Variants in TAT observed in about 807,000 individuals in gnomAD.
The protein encoded by TAT is L-tyrosine:2-oxoglutarate aminotransferase.
In TAT, 35 loss-of-function variants were observed where a neutral mutation model predicts 53.6. The ratio of observed to expected loss-of-function variants is 0.65; its 90% confidence interval spans 0.50 to 0.87. TAT has a LOEUF of 0.87. Ranked by LOEUF, TAT falls within the 40% of genes least tolerant of loss-of-function variation. The probability of loss-of-function intolerance (pLI) is 0.00; values close to 1 mark genes in which losing one functional copy is unlikely to be tolerated. For synonymous variants in TAT, 197 were observed against 206.5 expected (o/e 0.95, Z 0.39); for missense variants, 525 against 571.8 (o/e 0.92, Z 0.83).
chr16:71,571,132 G>T (rs2044200364), intron 7 of TAT, among the ~76,000 whole-genome samples: 1 of 152,200 alleles, frequency 6.6e-6, no homozygotes, highest in African/African-American at 2.4e-5. Flanking sequence ...AGGAGTTACA[G>T]ATTTAAAATA....
Position 71,576,287 on chromosome 16 carries a change from C to G in TAT, c.129G>C (p.Val43=). Residue 43 remains valine (V), a synonymous_variant, in exon 2 of 12, where the codon GTG becomes GTC. Transcript: ENST00000355962. ...TTTTCTTGGCCATGTCTGAGGGCCT[C>G]ACAGACCACCTGGCCTTTCTGCCTT... ...KMKGRKARWS[V]RPSDMAKKTF... is the part of the protein sequence containing the mutation. The G allele has an allele frequency of 6.2e-7, 1 of 1,614,212 alleles. No individual in the cohort carries two copies. Among genetic ancestry groups the G allele is most frequent in the African/African-American group, 1.3e-5 (1 of 75,056 alleles).
chr16:71,571,807 T>C, intron 6 of TAT, 149 bp from the exon 7 acceptor site: 3 of 824,884 alleles, frequency 3.6e-6, no homozygotes, highest in Non-Finnish European at 6.0e-6. Context: ...AAGTGTGATT[T>C]GCATTTCATG....
intron 3 of TAT, among the ~76,000 whole-genome samples, chr16:71,574,472 T>C (rs902505692): frequency 2.2e-4 from 33 of 150,104 alleles, no homozygotes; most frequent in Non-Finnish European, 4.4e-5. Flanking sequence ...TCCGAGCTAC[T>C]CAGGAGGCTG....
Position 71,570,851 on chromosome 16 carries a change from A to G in TAT, c.760-20T>C. The G allele has an allele frequency of 3.1e-6, 5 of 1,612,766 alleles. No homozygotes were observed. The highest frequency in any genetic ancestry group is 4.2e-6 in the Non-Finnish European group (5 of 1,179,454). ...AAACACCTGAGAAGAGGCACTTGTT[A>G]TGGTTGTTTTCTTGTCTACTTCTCA... On this transcript the variant is annotated intron_variant, in intron 7 of 11. Coordinates refer to ENST00000355962, the MANE Select transcript of TAT (RefSeq NM_000353.3).
intron 7 of TAT, 117 bp from the exon 8 acceptor site, chr16:71,570,948 A>T (rs891302966): frequency 2.4e-6 from 3 of 1,269,400 alleles, no homozygotes; most frequent in Non-Finnish European, 3.3e-6. Context: ...GATTAATGGG[A>T]TCATCCCTAC....
chr16:71,567,953 T>C lies in TAT; in HGVS notation c.*191A>G. On this transcript the variant is annotated 3_prime_UTR_variant, in exon 12 of 12. Coordinates refer to ENST00000355962, the MANE Select transcript of TAT (RefSeq NM_000353.3). ...TAGCAGCGCAGAGCAAGGGAGAATCTGCGATGTGAATGAGGAGGATCTGAG... is the reference window on the plus strand; with the variant it reads ...TAGCAGCGCAGAGCAAGGGAGAATCCGCGATGTGAATGAGGAGGATCTGAG... The C allele has an allele frequency of 1.5e-6, 1 of 652,954 alleles. No homozygotes were observed. The highest frequency in any genetic ancestry group is 2.8e-5 in the East Asian group (1 of 36,082). The allele number at this position is 652,954 out of a possible 1,614,324, so 40.4% of individuals were successfully genotyped here. A position where few individuals can be genotyped will look rare whatever the true frequency, so the allele number is the denominator to read the frequency against.
At position 71,568,821 on chromosome 16, in the gene TAT, G is replaced by C; in HGVS notation, c.1126-12C>G. ...ATCTCAATTCCAACCTATACCAACA[G>C]GAGGGAGAGGCCAACTTATCAGAAG... On this transcript the variant is annotated splice_polypyrimidine_tract_variant and intron_variant, in intron 10 of 11. Coordinates refer to ENST00000355962, the MANE Select transcript of TAT (RefSeq NM_000353.3). The C allele has an allele frequency of 6.2e-7, 1 of 1,607,724 alleles. No individual in the cohort carries two copies. The highest frequency in any genetic ancestry group is 8.5e-7 in the Non-Finnish European group (1 of 1,174,872).
rs1027401569 is a variant in TAT at position 71,566,833 on chromosome 16, A to G, written c.*1311T>C. The G allele has an allele frequency of 6.6e-6, 1 of 152,024 alleles. No individual in the cohort carries two copies. The allele number at this position is 152,024 out of a possible 1,614,324, so 9.4% of individuals were successfully genotyped here. A position where few individuals can be genotyped will look rare whatever the true frequency, so the allele number is the denominator to read the frequency against. On this transcript the variant is annotated 3_prime_UTR_variant, in exon 12 of 12. Transcript: ENST00000355962. ...GAAATTCCCAAACGGAGAAAAAAAC[A>G]CATCACAGAAGAGCCATACTTGGTG...
At chr16:71,573,449 G>T (rs1045922712) in intron 4 of TAT, 90 bp downstream of exon 4, 1 of 1,234,824 alleles carries the variant, frequency 8.1e-7, no homozygotes, top group South Asian at 1.3e-5. Flanking sequence ...TTCCCCCTCT[G>T]ACACCCGTAC....
At position 71,568,158 on chromosome 16, in the gene TAT, C is replaced by T. The variant is rs2044176872; in HGVS notation, c.1351G>A (p.Glu451Lys). The change falls in exon 12 of 12, where the codon GAG becomes AAG. Residue 451 changes from glutamate to lysine, a missense_variant. By Grantham distance (56) the Glu-to-Lys change is moderately conservative (BLOSUM62 1). Transcript: ENST00000355962. ...TGGATGCAGGCCTATTTATCACACT[C>T]CTCCTGGCTGCCTTCAGCACAATGG... ...HYHCAEGSQEECDK is the reference protein window; with the variant it reads ...HYHCAEGSQEKCDK The T allele has an allele frequency of 6.2e-7, 1 of 1,614,224 alleles. No individual in the cohort carries two copies. The highest frequency in any genetic ancestry group is 1.7e-5 in the Admixed American group (1 of 60,030).
At chr16:71,568,661 C>G in intron 11 of TAT, 50 bp downstream of exon 11, 5 of 1,464,248 alleles carry the variant, frequency 3.4e-6, no homozygotes, top group Non-Finnish European at 4.8e-6. Flanking sequence ...GAACTTGCTT[C>G]TGGGGCTCTA....
At chr16:71,571,800 T>C (rs2044205207) in intron 6 of TAT, 142 bp from the exon 7 acceptor site, 1 of 854,330 alleles carries the variant, frequency 1.2e-6, no homozygotes, top group South Asian at 1.5e-5. Context: ...ACAAGCAAAG[T>C]GTGATTTGCA....
At chr16:71,574,192 C>T in intron 3 of TAT, among the ~76,000 whole-genome samples, 1 of 152,242 alleles carries the variant, frequency 6.6e-6, no homozygotes, top group East Asian at 1.9e-4. Flanking sequence ...TCCCCAAATA[C>T]TCTGCACCAT....
intron 8 of TAT, 62 bp downstream of exon 8, chr16:71,570,617 C>T: frequency 6.2e-7 from 1 of 1,610,934 alleles, no homozygotes; most frequent in Non-Finnish European, 8.5e-7. Flanking sequence ...CCCTTGTCCC[C>T]ACTGTGCTCA....
intron 1 of TAT, 69 bp from the exon 2 acceptor site, chr16:71,576,496 G>A (rs1335053067): frequency 6.0e-6 from 8 of 1,337,900 alleles, no homozygotes; most frequent in Admixed American, 3.5e-5. Context: ...GCTACATTTG[G>A]ACCTAAACAT....
intron 11 of TAT, 44 bp downstream of exon 11, chr16:71,568,667 C>T: frequency 1.3e-6 from 2 of 1,496,418 alleles, no homozygotes; most frequent in Non-Finnish European, 1.9e-6. Flanking sequence ...GCTTCTGGGG[C>T]TCTAGAAACT....
intron 6 of TAT, 68 bp from the exon 7 acceptor site, chr16:71,571,726 T>C: frequency 7.1e-7 from 1 of 1,410,740 alleles, no homozygotes; most frequent in South Asian, 1.2e-5. Context: ...TCACATAATA[T>C]CATGTAATTT....
intron 7 of TAT, 67 bp from the exon 8 acceptor site, chr16:71,570,898 C>T: frequency 6.4e-7 from 1 of 1,568,362 alleles, no homozygotes; most frequent in South Asian, 1.2e-5. Context: ...GATCCCGTGG[C>T]TCCCACCCAT....
In TAT at chr16:71,568,793, T is replaced by A. The variant is rs750102484; in HGVS notation, c.1142A>T (p.Glu381Val). Residue 381 changes from glutamate (E) to valine (V), a missense_variant, in exon 11 of 12, where the codon GAA becomes GTA. Glu to Val is a moderately radical substitution (Grantham distance 121). Transcript: ENST00000355962. ...AMYLMVGIEM[E>V]HFPEFENDVE... ...ATCGTTCTCAAATTCTGGGAAATGTTCCATCTCAATTCCAACCTATACCAA... is the reference window on the plus strand; with the variant it reads ...ATCGTTCTCAAATTCTGGGAAATGTACCATCTCAATTCCAACCTATACCAA... 2.7e-5 allele frequency: 44 copies of A among 1,613,724 alleles called. No individual in the cohort carries two copies. Among genetic ancestry groups the A allele is most frequent in the Admixed American group, 5.0e-5 (3 of 59,984 alleles).
Sources: allele counts gnomAD v4.1 joint callset (sites outside exome capture counted in the v4.1 genomes callset), GRCh38; gene constraint gnomAD v4.1.1; transcripts MANE v1.5; gene names NCBI Gene and HGNC (gene_info 2026-07-23, HGNC 2026-07-21).